The following FLT3 variants were observed in gnomAD, a reference collection of about 807,000 sequenced individuals.
FLT3 encodes the protein receptor-type tyrosine-protein kinase FLT3.
In FLT3, 46 loss-of-function variants were observed where a neutral mutation model predicts 126.6. The observed-to-expected ratio is 0.36, with a 90% CI of 0.29 to 0.46. The LOEUF (loss-of-function observed/expected upper bound fraction) is 0.46, where lower values mean the gene tolerates loss of function less well. Ranked by LOEUF, FLT3 falls within the 20% of genes least tolerant of loss-of-function variation. The pLI, the probability that FLT3 is intolerant of heterozygous loss-of-function variation, is 1.00. For missense variants in FLT3, 1,069 were observed against 1,190.3 expected (o/e 0.90, Z 1.50); for synonymous variants, 404 against 434.4 (o/e 0.93, Z 0.87).
intron 23 of FLT3, among the ~76,000 whole-genome samples, chr13:28,007,676 C>T (rs1871030622): frequency 6.6e-6 from 1 of 152,166 alleles, no homozygotes; most frequent in African/African-American, 2.4e-5. Context: ...CTAAGTCTGA[C>T]ATTTACCATG....
intron 2 of FLT3, among the ~76,000 whole-genome samples, chr13:28,062,335 A>G (rs534736255): frequency 2.0e-4 from 31 of 152,242 alleles, no homozygotes; most frequent in Non-Finnish European, 4.0e-4. Context: ...GCAAGTTCAT[A>G]TGTTGAAGTC....
At chr13:28,063,653 C>T (rs1876762355) in intron 2 of FLT3, among the ~76,000 whole-genome samples, 1 of 150,854 alleles carries the variant, frequency 6.6e-6, no homozygotes, top group Admixed American at 6.6e-5. Flanking sequence ...AGCTCTTCTG[C>T]TACCAGTCAA....
rs142820970 is a variant in FLT3, at chr13:28,052,562, G to A, written c.597C>T (p.Cys199=). The change falls in exon 5 of 24, where the codon TGC becomes TGT. Residue 199 remains cysteine, a synonymous_variant. Coordinates refer to ENST00000241453, the MANE Select transcript of FLT3 (RefSeq NM_004119.3). ...TGTCATACCTTTCCCCCTGTGAATC[G>A]CAAAGCACCCATTCCACGATCGGCT... The part of the protein sequence containing the change: ...VPEPIVEWVL[C]DSQGESCKEE... 60 of 1,612,660 alleles carry A rather than the reference G, an allele frequency of 3.7e-5. 1 individual carries two copies. The East Asian group carries it at 6.2e-4, about 17-fold the overall frequency.
intron 4 of FLT3, among the ~76,000 whole-genome samples, chr13:28,056,426 T>G (rs1388941494): frequency 6.6e-6 from 1 of 152,044 alleles, no homozygotes; most frequent in Non-Finnish European, 1.5e-5. Flanking sequence ...TAATTTCAAG[T>G]GATATTAACC....
intron 1 of FLT3, among the ~76,000 whole-genome samples, chr13:28,072,788 G>T (rs1877630130): frequency 6.6e-6 from 1 of 151,790 alleles, no homozygotes; most frequent in Admixed American, 6.6e-5. Flanking sequence ...TGGATCACGA[G>T]GTCAGGAGCT....
chr13:28,048,866 G>T (rs565804842), intron 8 of FLT3, among the ~76,000 whole-genome samples: 1 of 152,058 alleles, frequency 6.6e-6, no homozygotes, highest in African/African-American at 2.4e-5. Flanking sequence ...TGTATTTCTC[G>T]GCATTTTCAT....
intron 9 of FLT3, among the ~76,000 whole-genome samples, chr13:28,039,004 G>A (rs984729398): frequency 3.3e-5 from 5 of 152,000 alleles, no homozygotes; most frequent in Non-Finnish European, 5.9e-5. Context: ...GAAAGGTTCG[G>A]GGCCTTCATA....
rs562069146 is a variant in FLT3, at chr13:28,003,554, C to T, written c.*498G>A. 5.9e-5 allele frequency: 14 copies of T among 238,000 alleles called. No individual in the cohort carries two copies. In the Middle Eastern group the frequency reaches 6.3e-3, roughly 108 times the overall value. 14.7% of individuals were successfully genotyped at this position (238,000 alleles called of 1,614,324 possible). A position where few individuals can be genotyped will look rare whatever the true frequency, so the allele number is the denominator to read the frequency against. ...TATGGGTGCACAATTTCAGGGGGTT[C>T]GTGAACTCCAGTTAAGACTTGCCCT... On this transcript the variant is annotated 3_prime_UTR_variant, in exon 24 of 24. Coordinates refer to ENST00000241453, the MANE Select transcript of FLT3 (RefSeq NM_004119.3).
intron 17 of FLT3, 82 bp downstream of exon 17, chr13:28,027,006 T>C (rs1872867249): frequency 7.4e-6 from 9 of 1,216,162 alleles, no homozygotes. Flanking sequence ...CTTTAGAAAC[T>C]GGTCAACGAA....
intron 1 of FLT3, among the ~76,000 whole-genome samples, chr13:28,091,190 T>A (rs1049173456): frequency 6.9e-6 from 1 of 144,164 alleles, no homozygotes; most frequent in Non-Finnish European, 1.5e-5. Context: ...TCATTTATCC[T>A]CTTTGGGCCC....
chr13:28,091,405 T>C (rs1196372108), intron 1 of FLT3, among the ~76,000 whole-genome samples: 5 of 149,310 alleles, frequency 3.3e-5, no homozygotes, highest in Non-Finnish European at 7.4e-5. Flanking sequence ...GTATTTTTAG[T>C]AGAGACGGGG....
intron 4 of FLT3, among the ~76,000 whole-genome samples, chr13:28,053,282 G>C (rs2137743615): frequency 6.6e-6 from 1 of 151,120 alleles, no homozygotes; most frequent in East Asian, 1.9e-4. Flanking sequence ...GACCTCCCAG[G>C]GCAGGTCATT....
chr13:28,006,395 T>C (rs543570404), intron 23 of FLT3, among the ~76,000 whole-genome samples: 130 of 151,964 alleles, frequency 8.6e-4, no homozygotes, highest in Non-Finnish European at 1.6e-3. Context: ...CAATGACAGC[T>C]TTGCTTGTAC....
Position 28,057,412 on chromosome 13 carries a change from T to C in FLT3, c.419A>G (p.Glu140Gly). Residue 140 changes from glutamate to glycine, a missense_variant, in exon 4 of 24, where the codon GAA (glutamate) becomes GGA (glycine). Transcript: ENST00000241453. ...TTCACTCTGAATAAAAAGTAGGTATTCTCCAGCTTGGGTTTCTGTCATTTT... is the reference window on the plus strand; with the variant it reads ...TTCACTCTGAATAAAAAGTAGGTATCCTCCAGCTTGGGTTTCTGTCATTTT... ...ILKMTETQAG[E>G]YLLFIQSEAT... is the part of the protein sequence containing the mutation. 6.3e-7 allele frequency: 1 copy of C among 1,590,132 alleles called. No individual in the cohort carries two copies. The highest frequency in any genetic ancestry group is 1.1e-5 in the South Asian group (1 of 90,598).
Position 28,003,557 on chromosome 13 carries a change from G to A in FLT3, c.*495C>T, listed in dbSNP as rs1566048931. 1 of 238,246 alleles carries A rather than the reference G, an allele frequency of 4.2e-6. No individual in the cohort carries two copies. Among genetic ancestry groups the A allele is most frequent in the African/African-American group, 2.2e-5 (1 of 45,360 alleles). 14.8% of individuals were successfully genotyped at this position (238,246 alleles called of 1,614,324 possible). On this transcript the variant is annotated 3_prime_UTR_variant, in exon 24 of 24. Coordinates refer to ENST00000241453, the MANE Select transcript of FLT3 (RefSeq NM_004119.3). ...GGGTGCACAATTTCAGGGGGTTCGT[G>A]AACTCCAGTTAAGACTTGCCCTAAT...
At chr13:28,027,394 T>C (rs1872906048) in intron 16 of FLT3, among the ~76,000 whole-genome samples, 153 bp from the exon 17 acceptor site, 1 of 152,234 alleles carries the variant, frequency 6.6e-6, no homozygotes, top group African/African-American at 2.4e-5. Flanking sequence ...TCTTATACTT[T>C]AAATTCAGTT....
chr13:28,054,831 A>C (rs9513010), intron 4 of FLT3, among the ~76,000 whole-genome samples: 151,360 of 152,324 alleles, frequency 0.99, 75,210 homozygotes, highest in Non-Finnish European at 1. Context: ...ACAACTTTAA[A>C]GTGCCTAAGT....
chr13:28,074,727 A>T (rs1015222987), intron 1 of FLT3, among the ~76,000 whole-genome samples: 2 of 151,948 alleles, frequency 1.3e-5, no homozygotes, highest in African/African-American at 4.8e-5. Context: ...TGCGGCCTTG[A>T]CCTCCTGGGC....
At chr13:28,017,665 G>GTTTT (rs113187201) in intron 20 of FLT3, among the ~76,000 whole-genome samples, 5 of 135,818 alleles carry the variant, frequency 3.7e-5, no homozygotes, top group Admixed American at 7.5e-5. Flanking sequence ...TTTTGTTGTT[G>GTTTT]TTTTTTTTTT....
Sources: gnomAD v4.1 joint callset for allele counts (sites outside exome capture counted in the v4.1 genomes callset) on GRCh38, gnomAD v4.1.1 for gene constraint, MANE v1.5 for transcripts, NCBI Gene and HGNC (gene_info 2026-07-23, HGNC 2026-07-21) for gene names.